The following FAM13C variants were observed in gnomAD, a reference collection of about 807,000 sequenced individuals.
FAM13C encodes protein FAM13C.
In FAM13C, 37 loss-of-function variants were observed where a neutral mutation model predicts 73.2. The observed-to-expected ratio is 0.51, with a 90% CI of 0.39 to 0.67. FAM13C has a LOEUF of 0.67. FAM13C is among the 30% of genes least tolerant of loss of function. The pLI is 0.00. For missense variants in FAM13C, 589 were observed against 715.6 expected (o/e 0.82, Z 2.02); for synonymous variants, 246 against 260.9 (o/e 0.94, Z 0.55).
At chr10:59,263,269 G>A (rs1307869905) in intron 9 of FAM13C, among the ~76,000 whole-genome samples, 2 of 152,196 alleles carry the variant, frequency 1.3e-5, no homozygotes, top group African/African-American at 4.8e-5. Context: ...TTTAGAGTAT[G>A]CAAGGGTACT....
chr10:59,307,097 T>C (rs1221449706), intron 4 of FAM13C, among the ~76,000 whole-genome samples: 1 of 152,038 alleles, frequency 6.6e-6, no homozygotes, highest in East Asian at 1.9e-4. Flanking sequence ...ACATGTAATG[T>C]CTTTCATGAA....
At chr10:59,348,320 A>T (rs1854579046) in intron 3 of FAM13C, among the ~76,000 whole-genome samples, 1 of 152,190 alleles carries the variant, frequency 6.6e-6, no homozygotes, top group Non-Finnish European at 1.5e-5. Flanking sequence ...GCCCCAAATA[A>T]ATCCACCTTT....
At chr10:59,296,103 T>C (rs1349442444) in intron 5 of FAM13C, among the ~76,000 whole-genome samples, 1 of 152,222 alleles carries the variant, frequency 6.6e-6, no homozygotes, top group African/African-American at 2.4e-5. Context: ...AGCTCAAGAA[T>C]GTTAAAGGCC....
intron 6 of FAM13C, among the ~76,000 whole-genome samples, chr10:59,279,582 C>T (rs1844704006): frequency 6.6e-6 from 1 of 152,164 alleles, no homozygotes; most frequent in Admixed American, 6.5e-5. Context: ...CTTGGTCAGA[C>T]AGAACAAAGG....
chr10:59,341,518 T>C (rs1853512419), intron 3 of FAM13C, among the ~76,000 whole-genome samples: 1 of 152,006 alleles, frequency 6.6e-6, no homozygotes, highest in Non-Finnish European at 1.5e-5. Context: ...AGAAACCCCG[T>C]CTCTACTGAA....
At chr10:59,304,591 C>T (rs1055386005) in intron 4 of FAM13C, among the ~76,000 whole-genome samples, 1 of 151,542 alleles carries the variant, frequency 6.6e-6, no homozygotes, top group Non-Finnish European at 1.5e-5. Context: ...CACACTGGGG[C>T]CTTTCAGAGG....
At chr10:59,360,446 C>T (rs1391757712) in intron 1 of FAM13C, among the ~76,000 whole-genome samples, 3 of 152,038 alleles carry the variant, frequency 2.0e-5, no homozygotes, top group East Asian at 3.9e-4. Context: ...GTCCCTCCTC[C>T]GTGTAGGCCA....
chr10:59,281,856 A>G (rs895103746), intron 6 of FAM13C, among the ~76,000 whole-genome samples: 1 of 152,242 alleles, frequency 6.6e-6, no homozygotes. Flanking sequence ...AAACTTGTAT[A>G]GTTAATCCAA....
chr10:59,362,701 G>T (rs989996598), upstream of FAM13C: 1 of 834,378 alleles, frequency 1.2e-6, no homozygotes, highest in Admixed American at 3.4e-5. Flanking sequence ...GCGGCGGCGG[G>T]GCTGGGACCC....
chr10:59,340,225 A>AT (rs1011094846), intron 3 of FAM13C, among the ~76,000 whole-genome samples: 3 of 147,134 alleles, frequency 2.0e-5, no homozygotes, highest in Non-Finnish European at 3.0e-5. Context: ...TTAAAAAAAA[A>AT]TTTTTTTTAA....
intron 5 of FAM13C, among the ~76,000 whole-genome samples, chr10:59,284,569 C>T (rs930823843): frequency 6.6e-6 from 1 of 151,064 alleles, no homozygotes; most frequent in African/African-American, 2.4e-5. Flanking sequence ...CACATACACA[C>T]CCTCACCCCC....
At chr10:59,354,922 C>A (rs1701038774) in intron 2 of FAM13C, among the ~76,000 whole-genome samples, 1 of 151,916 alleles carries the variant, frequency 6.6e-6, no homozygotes, top group Non-Finnish European at 1.5e-5. Context: ...ATTCTCTCTA[C>A]CCTCTATTGG....
intron 3 of FAM13C, among the ~76,000 whole-genome samples, chr10:59,340,557 G>A (rs1319374879): frequency 6.6e-6 from 1 of 152,090 alleles, no homozygotes; most frequent in Non-Finnish European, 1.5e-5. Flanking sequence ...ATTACATCAA[G>A]AACCAACTGC....
At chr10:59,304,575 A>G (rs898877587) in intron 4 of FAM13C, among the ~76,000 whole-genome samples, 13 of 151,866 alleles carry the variant, frequency 8.6e-5, no homozygotes, top group Non-Finnish European at 1.8e-4. Context: ...ATAGAGGGGG[A>G]CAACACACAC....
chr10:59,264,197 A>C, intron 8 of FAM13C, 31 bp from the exon 9 acceptor site: 18 of 899,316 alleles, frequency 2.0e-5, no homozygotes, highest in Middle Eastern at 2.4e-4. Flanking sequence ...TGGGGGTGGA[A>C]GGGAGGGAAG....
chr10:59,252,339 C>T (rs1841472996), intron 12 of FAM13C, among the ~76,000 whole-genome samples: 1 of 152,074 alleles, frequency 6.6e-6, no homozygotes, highest in East Asian at 1.9e-4. Context: ...AGTCCCAACA[C>T]CCCTTGAAAA....
intron 3 of FAM13C, among the ~76,000 whole-genome samples, chr10:59,350,670 T>C (rs1393648159): frequency 6.6e-6 from 1 of 152,166 alleles, no homozygotes; most frequent in East Asian, 1.9e-4. Flanking sequence ...TTCATCTCAC[T>C]ATGAAATTAA....
chr10:59,356,015 T>C (rs1855672849), intron 1 of FAM13C, 72 bp from the exon 2 acceptor site: 8 of 1,407,842 alleles, frequency 5.7e-6, no homozygotes, highest in East Asian at 2.3e-5. Context: ...TAATCTAGAA[T>C]TGTCTCAAGA....
rs1298983827 is a variant in FAM13C at position 59,304,763 on chromosome 10, G to GGGAAGGGAAGGGAAGGGAAGGGAAA, written c.444-1900_444-1899insTTTCCCTTCCCTTCCCTTCCCTTCC. Among the ~76,000 whole-genome samples the GGGAAGGGAAGGGAAGGGAAGGGAAA allele has an allele frequency of 5.0e-3, 312 of 62,354 alleles. 11 individuals are homozygous for GGGAAGGGAAGGGAAGGGAAGGGAAA. Among genetic ancestry groups the GGGAAGGGAAGGGAAGGGAAGGGAAA allele is most frequent in the South Asian group, 7.0e-3 (8 of 1,146 alleles). 40.9% of individuals were successfully genotyped at this position (62,354 alleles called of 152,430 possible). A position where few individuals can be genotyped will look rare whatever the true frequency, so the allele number is the denominator to read the frequency against. On this transcript the variant is annotated intron_variant, in intron 4 of 13. Coordinates refer to ENST00000618804, the MANE Select transcript of FAM13C (RefSeq NM_198215.4). ...CCTGAACTTAAAATAAATAAAAAGA[G>GGGAAGGGAAGGGAAGGGAAGGGAAA]GGAAGGGAAGGGAAGGGAAGGGAAG... is the stretch of plus-strand genomic sequence containing the variant.
Sources: allele counts gnomAD v4.1 joint callset (sites outside exome capture counted in the v4.1 genomes callset), GRCh38; gene constraint gnomAD v4.1.1; transcripts MANE v1.5; gene names NCBI Gene and HGNC (gene_info 2026-07-23, HGNC 2026-07-21).